Variants in OSBPL8 observed in about 807,000 individuals in gnomAD.
The protein encoded by OSBPL8 is oxysterol-binding protein-related protein 8.
A neutral mutation model predicts 125.5 loss-of-function variants in OSBPL8; 59 were observed. The observed-to-expected ratio is 0.47, with a 90% CI of 0.38 to 0.58. The LOEUF is 0.58. Ranked by LOEUF, OSBPL8 falls within the 20% of genes least tolerant of loss-of-function variation. OSBPL8 has a pLI of 0.00. For missense variants in OSBPL8, 758 were observed against 1,047.8 expected (o/e 0.72, Z 3.82); for synonymous variants, 330 against 338.9 (o/e 0.97, Z 0.29).
rs373084536 is a variant in OSBPL8, at chr12:76,369,206, T to C, written c.2328+8A>G. On this transcript the variant is annotated splice_region_variant and intron_variant, in intron 21 of 23. Transcript: ENST00000261183. ...TATACCTAGTGTACCTAGTTTTTTA[T>C]TACATACCATTGGAGTACGATGTTT... 1.1e-5 allele frequency: 18 copies of C among 1,606,764 alleles called. 2 individuals are homozygous for C. In the African/African-American group the frequency reaches 1.2e-4, roughly 11 times the overall value.
intron 4 of OSBPL8, among the ~76,000 whole-genome samples, chr12:76,419,803 T>C (rs914993050): frequency 6.6e-6 from 1 of 152,340 alleles, no homozygotes; most frequent in South Asian, 2.1e-4. Context: ...GTTTTGGAAG[T>C]AGTCACAGAC....
At chr12:76,377,552 T>C (rs549440994) in intron 16 of OSBPL8, among the ~76,000 whole-genome samples, 1 of 152,322 alleles carries the variant, frequency 6.6e-6, no homozygotes, top group East Asian at 1.9e-4. Context: ...TTCATGTTGG[T>C]CACATAAATG....
At chr12:76,539,515 ACAT>A (rs1211451753) in intron 1 of OSBPL8, among the ~76,000 whole-genome samples, 1 of 152,220 alleles carries the variant, frequency 6.6e-6, no homozygotes, top group Non-Finnish European at 1.5e-5. Context: ...AAACAAAATA[ACAT>A]CAGCAACTTA....
At chr12:76,538,869 G>C (rs1281480882) in intron 1 of OSBPL8, among the ~76,000 whole-genome samples, 1 of 151,722 alleles carries the variant, frequency 6.6e-6, no homozygotes. Flanking sequence ...GCTGAACCTG[G>C]GAGGCAGAGG....
chr12:76,539,073 G>A (rs1950571981), intron 1 of OSBPL8, among the ~76,000 whole-genome samples: 1 of 141,086 alleles, frequency 7.1e-6, no homozygotes, highest in Non-Finnish European at 1.5e-5. Context: ...GGGAGGGTAA[G>A]TATCCTGAAT....
intron 4 of OSBPL8, among the ~76,000 whole-genome samples, chr12:76,428,487 G>A (rs368963121): frequency 6.6e-6 from 1 of 151,916 alleles, no homozygotes; most frequent in African/African-American, 2.4e-5. Context: ...AAAATTCTAT[G>A]TGCACACTCA....
chr12:76,471,219 A>C (rs1275537328), intron 2 of OSBPL8, among the ~76,000 whole-genome samples: 2 of 152,180 alleles, frequency 1.3e-5, no homozygotes, highest in African/African-American at 4.8e-5. Context: ...GAAAGGATTA[A>C]ATGAGAAACT....
chr12:76,477,101 A>C (rs555310418), intron 2 of OSBPL8, among the ~76,000 whole-genome samples: 15 of 152,178 alleles, frequency 9.9e-5, no homozygotes, highest in African/African-American at 3.4e-4. Context: ...TCCCACCCCC[A>C]AACCTCATCT....
chr12:76,401,663 A>C (rs958378526), intron 6 of OSBPL8, among the ~76,000 whole-genome samples: 13 of 152,156 alleles, frequency 8.5e-5, no homozygotes, highest in Non-Finnish European at 1.6e-4. Context: ...AATATTTATT[A>C]ATATATTCTC....
intron 4 of OSBPL8, among the ~76,000 whole-genome samples, chr12:76,429,726 A>G (rs967079711): frequency 2.0e-5 from 3 of 152,112 alleles, no homozygotes; most frequent in Non-Finnish European, 4.4e-5. Flanking sequence ...TCTGGATGAG[A>G]GGCACATATT....
At chr12:76,382,404 A>C (rs1050065416) in intron 15 of OSBPL8, among the ~76,000 whole-genome samples, 11 of 151,832 alleles carry the variant, frequency 7.2e-5, no homozygotes, top group Non-Finnish European at 1.6e-4. Flanking sequence ...AGCACTACTG[A>C]CATTTAGGGG....
chr12:76,391,733 A>T (rs1224636872), intron 10 of OSBPL8, among the ~76,000 whole-genome samples: 1 of 152,158 alleles, frequency 6.6e-6, no homozygotes, highest in African/African-American at 2.4e-5. Context: ...ACTGCACTGC[A>T]GCCTGGGCAA....
intron 1 of OSBPL8, among the ~76,000 whole-genome samples, chr12:76,525,406 C>T (rs553099722): frequency 7.6e-4 from 115 of 152,218 alleles, no homozygotes; most frequent in African/African-American, 2.0e-3. Context: ...ATGACCATTA[C>T]TTATGTAATA....
intron 2 of OSBPL8, among the ~76,000 whole-genome samples, chr12:76,466,300 TA>T (rs1875428894): frequency 6.6e-6 from 1 of 151,734 alleles, no homozygotes. Flanking sequence ...TTTTAACTGA[TA>T]TTTTTCAATC....
chr12:76,514,910 G>C (rs1243426908), intron 1 of OSBPL8, among the ~76,000 whole-genome samples: 2 of 152,162 alleles, frequency 1.3e-5, no homozygotes, highest in Admixed American at 1.3e-4. Flanking sequence ...CAAGATCTGA[G>C]ATTCTTTCCT....
intron 2 of OSBPL8, among the ~76,000 whole-genome samples, chr12:76,472,648 T>C (rs190017107): frequency 4.1e-4 from 62 of 152,354 alleles, no homozygotes; most frequent in Admixed American, 2.4e-3. Context: ...GGCCCTTCCC[T>C]GCCTGGCAGC....
At chr12:76,548,969 T>A (rs1408819403) in intron 1 of OSBPL8, among the ~76,000 whole-genome samples, 1 of 151,966 alleles carries the variant, frequency 6.6e-6, no homozygotes, top group African/African-American at 2.4e-5. Context: ...AAGGTATCTT[T>A]AAAAAAATCT....
chr12:76,532,363 A>G (rs955757901), intron 1 of OSBPL8, among the ~76,000 whole-genome samples: 2 of 152,172 alleles, frequency 1.3e-5, no homozygotes, highest in African/African-American at 4.8e-5. Flanking sequence ...TAGCAAAACT[A>G]GATCATTTCA....
At chr12:76,488,501 A>T (rs543005386) in intron 1 of OSBPL8, among the ~76,000 whole-genome samples, 12 of 152,298 alleles carry the variant, frequency 7.9e-5, no homozygotes, top group African/African-American at 2.9e-4. Context: ...TACTTTTCCA[A>T]CAGCATGTGC....
Sources: allele counts gnomAD v4.1 joint callset (sites outside exome capture counted in the v4.1 genomes callset), GRCh38; gene constraint gnomAD v4.1.1; transcripts MANE v1.5; gene names NCBI Gene and HGNC (gene_info 2026-07-23, HGNC 2026-07-21).